Variants in VPS13A observed in about 807,000 individuals in gnomAD.
VPS13A encodes vacuolar protein sorting 13 homolog A.
VPS13A carries 264 observed loss-of-function variants against 390.9 expected under a neutral mutation model. That is an observed-to-expected ratio of 0.68 (90% confidence interval 0.61 to 0.75). The LOEUF (loss-of-function observed/expected upper bound fraction) is 0.75. VPS13A is among the 30% of genes least tolerant of loss of function. VPS13A has a pLI of 0.00. For synonymous variants in VPS13A, 1,231 were observed against 1,227.1 expected (o/e 1.00, Z -0.07); for missense variants, 3,409 against 3,733.9 (o/e 0.91, Z 2.27).
At position 77,281,743 on chromosome 9, in the gene VPS13A, A is replaced by G. The variant is rs569253495; in HGVS notation, c.2905-124A>G. On this transcript the variant is annotated intron_variant, in intron 27 of 71. Coordinates refer to ENST00000360280, the MANE Select transcript of VPS13A (RefSeq NM_033305.3). ...ATTATATGTGTGTGTATATGTGTATATATATATATATATATGTATATGAAC... is the reference window on the plus strand; with the variant it reads ...ATTATATGTGTGTGTATATGTGTATGTATATATATATATATGTATATGAAC... 11,897 of 430,944 alleles carry G rather than the reference A, an allele frequency of 0.028. 163 individuals are homozygous for G. The highest frequency in any genetic ancestry group is 0.059 in the Middle Eastern group (101 of 1,700). The allele number at this position is 430,944 out of a possible 1,614,324, so 26.7% of individuals were successfully genotyped here.
At chr9:77,340,829 A>G in intron 50 of VPS13A, 1 of 368,594 alleles carries the variant, frequency 2.7e-6, no homozygotes, top group Non-Finnish European at 5.0e-6. Context: ...ACTAGATAAG[A>G]TGTAAATGCA....
chr9:77,275,487 G>T lies in VPS13A; in HGVS notation c.2513-11G>T. ...TAATTATTGACTTAAATAATGTTCT[G>T]TGAAATGTAGATTCAGAGGAGGAAT... On this transcript the variant is annotated splice_polypyrimidine_tract_variant and intron_variant, in intron 24 of 71. Coordinates refer to ENST00000360280, the MANE Select transcript of VPS13A (RefSeq NM_033305.3). 6.2e-7 allele frequency: 1 copy of T among 1,612,446 alleles called. No individual in the cohort carries two copies. The highest frequency in any genetic ancestry group is 8.5e-7 in the Non-Finnish European group (1 of 1,178,748).
chr9:77,282,387 G>A (rs1827089665), intron 29 of VPS13A, 113 bp downstream of exon 29: 2 of 1,019,188 alleles, frequency 2.0e-6, no homozygotes, highest in Non-Finnish European at 2.9e-6. Flanking sequence ...GAATTCTGTT[G>A]CCTAGGTTAA....
In VPS13A at chr9:77,314,711, A is replaced by G. The variant is rs764914748; in HGVS notation, c.4412+47A>G. ...TAAGGTTTTACTTGAGAAATCGTTG[A>G]TATATTTTACAGAATTCATCTCCAG... On this transcript the variant is annotated intron_variant, in intron 37 of 71. Transcript: ENST00000360280. The G allele has an allele frequency of 5.7e-6, 9 of 1,576,130 alleles. No homozygotes were observed. In the South Asian group the frequency reaches 6.7e-5, roughly 12 times the overall value.
intron 23 of VPS13A, among the ~76,000 whole-genome samples, chr9:77,265,746 C>T (rs1314272372): frequency 1.3e-5 from 2 of 152,128 alleles, no homozygotes; most frequent in African/African-American, 2.4e-5. Flanking sequence ...AAAACCAGCA[C>T]CTGGATTCAC....
In VPS13A at chr9:77,316,422, G is replaced by T; in HGVS notation, c.4863+16G>T. 1.9e-6 allele frequency: 3 copies of T among 1,599,486 alleles called. No individual in the cohort carries two copies. The South Asian group carries it at 3.3e-5, about 18-fold the overall frequency. On this transcript the variant is annotated intron_variant, in intron 39 of 71. Coordinates refer to ENST00000360280, the MANE Select transcript of VPS13A (RefSeq NM_033305.3). ...AATCACTACTGTGAGTTAACTATTT[G>T]ATCATCTGCTTAATTGTAACTATTT...
intron 71 of VPS13A, among the ~76,000 whole-genome samples, chr9:77,413,327 C>CG (rs1835024415): frequency 6.6e-6 from 1 of 152,214 alleles, no homozygotes; most frequent in Non-Finnish European, 1.5e-5. Context: ...ATCACGCTAC[C>CG]TGACTTCAAA....
rs1393721435 is a variant in VPS13A at position 77,213,321 on chromosome 9, A to G, written c.696+7A>G. 6.2e-7 allele frequency: 1 copy of G among 1,607,842 alleles called. No homozygotes were observed. Among genetic ancestry groups the G allele is most frequent in the African/African-American group, 1.3e-5 (1 of 74,792 alleles). On this transcript the variant is annotated splice_region_variant and intron_variant, in intron 9 of 71. Transcript: ENST00000360280. ...TGATTATGATAACTCCTTGGTAAGT[A>G]AATTTTTTCTGTATGTATTTGTTGG... is the stretch of plus-strand genomic sequence containing the variant.
Position 77,371,122 on chromosome 9 carries a change from C to T in VPS13A, c.9050C>T (p.Ala3017Val), listed in dbSNP as rs763648551. 6.2e-7 allele frequency: 1 copy of T among 1,614,062 alleles called. No homozygotes were observed. The highest frequency in any genetic ancestry group is 1.7e-5 in the Admixed American group (1 of 60,004). ...CCAACTGGAGGCATCATAGACATGGCTAGCAGTACATTTCAGGGAATAAAA... is the reference window on the plus strand; with the variant it reads ...CCAACTGGAGGCATCATAGACATGGTTAGCAGTACATTTCAGGGAATAAAA... The part of the protein sequence containing the change: ...ARPTGGIIDM[A>V]SSTFQGIKRA... The change falls in exon 67 of 72, where the codon GCT (alanine) becomes GTT (valine). Residue 3017 changes from alanine (A) to valine (V), a missense_variant. This residue lies in a region of VPS13A where 318 missense variants were observed against 333.7 expected (regional missense o/e 0.95). Transcript: ENST00000360280.
At chr9:77,278,956 T>C (rs1826853525) in intron 26 of VPS13A, among the ~76,000 whole-genome samples, 1 of 152,152 alleles carries the variant, frequency 6.6e-6, no homozygotes, top group African/African-American at 2.4e-5. Context: ...GTGCAGAGGC[T>C]GTGGGGAGTG....
At position 77,284,717 on chromosome 9, in the gene VPS13A, T is replaced by G. The variant is rs186328390; in HGVS notation, c.3339+1067T>G. Among the ~76,000 whole-genome samples, 84 of 152,106 alleles carry G rather than the reference T, an allele frequency of 5.5e-4. 1 individual carries two copies. The East Asian group carries it at 7.1e-3, about 13-fold the overall frequency. On this transcript the variant is annotated intron_variant, in intron 31 of 71. Transcript: ENST00000360280. ...ATTTTATTTTATTTTATTTTTTTATTTTTTTTGAGACAGTCTTGCTCTATC... is the reference window on the plus strand; with the variant it reads ...ATTTTATTTTATTTTATTTTTTTATGTTTTTTGAGACAGTCTTGCTCTATC...
rs563846670 is a variant in VPS13A at position 77,333,957 on chromosome 9, G to A, written c.6095+1844G>A. ...CAAAAGATGGATATATTACATAAAT[G>A]TATAAAGTAGGAAACAGTGGGTTAT... On this transcript the variant is annotated intron_variant, in intron 46 of 71. Coordinates refer to ENST00000360280, the MANE Select transcript of VPS13A (RefSeq NM_033305.3). Among the ~76,000 whole-genome samples, 232 of 152,282 alleles carry A rather than the reference G, an allele frequency of 1.5e-3. 1 individual carries two copies. Among genetic ancestry groups the A allele is most frequent in the African/African-American group, 5.4e-3 (223 of 41,568 alleles).
intron 38 of VPS13A, 142 bp downstream of exon 38, chr9:77,315,612 A>G (rs1829337884): frequency 4.6e-6 from 4 of 866,554 alleles, no homozygotes; most frequent in South Asian, 3.2e-5. Context: ...GAAAACCTTA[A>G]TGTGTTTTCT....
rs761931557 is a variant in VPS13A at position 77,356,816 on chromosome 9, T to G, written c.7755T>G (p.Thr2585=). The G allele has an allele frequency of 6.8e-6, 11 of 1,613,730 alleles. No individual in the cohort carries two copies. In the East Asian group the frequency reaches 2.5e-4, roughly 36 times the overall value. The change falls in exon 55 of 72, where the codon ACT becomes ACG. Residue 2585 remains threonine (T), a synonymous_variant. Transcript: ENST00000360280. The part of the protein sequence containing the change: ...EKLEREFKEY[T]ESSPSEDKVI... ...TAGAGAGAGAATTTAAGGAATATAC[T>G]GAATCTTCTCCTTCAGAAGATAAGG...
intron 58 of VPS13A, 77 bp downstream of exon 58, chr9:77,359,479 T>G: frequency 1.6e-6 from 2 of 1,266,190 alleles, no homozygotes; most frequent in Non-Finnish European, 2.2e-6. Context: ...ACTCTTTAAA[T>G]GTTGGACAAG....
chr9:77,400,684 C>A (rs1045227575), intron 68 of VPS13A, among the ~76,000 whole-genome samples: 1 of 151,522 alleles, frequency 6.6e-6, no homozygotes, highest in South Asian at 2.1e-4. Flanking sequence ...AAAAATTAGC[C>A]GGGCGTGGTG....
Position 77,207,247 on chromosome 9 carries a change from ATAT to A in VPS13A, c.385+1169_385+1171del, listed in dbSNP as rs1564630479. Among the ~76,000 whole-genome samples the A allele has an allele frequency of 6.6e-4, 76 of 115,768 alleles. 4 individuals carry two copies. Among genetic ancestry groups the A allele is most frequent in the Admixed American group, 1.1e-3 (13 of 11,422 alleles). The allele number at this position is 115,768 out of a possible 152,430, so 75.9% of individuals were successfully genotyped here. A position where few individuals can be genotyped will look rare whatever the true frequency, so the allele number is the denominator to read the frequency against. On this transcript the variant is annotated intron_variant, in intron 5 of 71. Transcript: ENST00000360280. Reference sequence around the variant, plus strand: ...TATATATATATATATATATATATATATATATAAAACGTGTTATATGTAACATAA... The same window carrying A: ...TATATATATATATATATATATATATAATAAAACGTGTTATATGTAACATAA...
At position 77,305,182 on chromosome 9, in the gene VPS13A, C is replaced by T. The variant is rs375881543; in HGVS notation, c.3960+2120C>T. On this transcript the variant is annotated intron_variant, in intron 34 of 71. Transcript: ENST00000360280. ...CTTGATCTCCTGACCTCGTGATCCA[C>T]CCCCCTTGGCCTCCCAAAGTGCTGG... 8.7e-4 allele frequency among the ~76,000 whole-genome samples: 133 copies of T among 152,232 alleles called. 1 individual carries two copies. Among genetic ancestry groups the T allele is most frequent in the African/African-American group, 2.9e-3 (121 of 41,564 alleles).
chr9:77,412,374 C>G (rs1834977566), intron 71 of VPS13A, among the ~76,000 whole-genome samples: 2 of 152,292 alleles, frequency 1.3e-5, no homozygotes, highest in South Asian at 4.1e-4. Flanking sequence ...AATCCAGCAG[C>G]ACATCAAAAA....
Sources: gnomAD v4.1 joint callset for allele counts (sites outside exome capture counted in the v4.1 genomes callset) on GRCh38, gnomAD v4.1.1 for gene constraint, gnomAD v4.1.1 regional missense constraint, MANE v1.5 for transcripts, NCBI Gene and HGNC (gene_info 2026-07-23, HGNC 2026-07-21) for gene names.